The following SLC25A33 variants were observed in gnomAD, a reference collection of about 807,000 sequenced individuals.
SLC25A33 encodes the protein bone marrow stromal cell mitochondrial carrier protein.
SLC25A33 carries 15 observed loss-of-function variants against 35.5 expected under a neutral mutation model. The ratio of observed to expected loss-of-function variants is 0.42; its 90% CI spans 0.28 to 0.65. The LOEUF (loss-of-function observed/expected upper bound fraction) is 0.65. Ranked by LOEUF, SLC25A33 falls within the 30% of genes least tolerant of loss-of-function variation. The probability of loss-of-function intolerance (pLI) is 0.20; values close to 1 mark genes in which losing one functional copy is unlikely to be tolerated. For missense variants in SLC25A33, 257 were observed against 398.5 expected (o/e 0.64, Z 3.02); for synonymous variants, 136 against 148.7 (o/e 0.91, Z 0.62).
At chr1:9,550,016 T>G (rs1241858113) in intron 1 of SLC25A33, among the ~76,000 whole-genome samples, 5 of 99,314 alleles carry the variant, frequency 5.0e-5, no homozygotes, top group African/African-American at 2.1e-4. Context: ...TATATATTTT[T>G]TTTTTTTTTT....
intron 2 of SLC25A33, among the ~76,000 whole-genome samples, chr1:9,563,543 C>A (rs1643456145): frequency 6.6e-6 from 1 of 152,034 alleles, no homozygotes; most frequent in South Asian, 2.1e-4. Flanking sequence ...GCACCAAAAA[C>A]CAGCTTAATT....
Position 9,580,119 on chromosome 1 carries a change from A to G in SLC25A33, c.648A>G (p.Glu216=), listed in dbSNP as rs1643719249. 2 of 1,611,084 alleles carry G rather than the reference A, an allele frequency of 1.2e-6. No homozygotes were observed. The highest frequency in any genetic ancestry group is 2.7e-5 in the African/African-American group (2 of 74,748). Residue 216 remains glutamate, a synonymous_variant, in exon 6 of 7, where the codon GAA becomes GAG. Transcript: ENST00000302692. ...IYESLKKYLK[E]APLASSANGT... The stretch of plus-strand genomic sequence containing the variant: ...AAAGTTTAAAGAAGTATCTGAAAGA[A>G]GCTCCATTAGCCTCTTCTGCAAATG...
In SLC25A33 at chr1:9,570,389, C is replaced by G. The variant is rs557596144; in HGVS notation, c.415+31C>G. 5.9e-6 allele frequency: 9 copies of G among 1,535,160 alleles called. No individual in the cohort carries two copies. The African/African-American group carries it at 1.1e-4, about 19-fold the overall frequency. On this transcript the variant is annotated intron_variant, in intron 4 of 6. Coordinates refer to ENST00000302692, the MANE Select transcript of SLC25A33 (RefSeq NM_032315.3). ...TTACCCTAGTGAGTGAAGAGAGGGT[C>G]TCTCTCTCACTTTTCTAAAGCATGC... is the stretch of plus-strand genomic sequence containing the variant.
chr1:9,573,503 T>G, intron 5 of SLC25A33, 91 bp downstream of exon 5: 1 of 1,042,164 alleles, frequency 9.6e-7, no homozygotes, highest in Non-Finnish European at 1.5e-6. Flanking sequence ...GGATGAGATA[T>G]AGAGATGTAC....
intron 6 of SLC25A33, among the ~76,000 whole-genome samples, 162 bp downstream of exon 6, chr1:9,580,396 G>T (rs1421081374): frequency 6.6e-6 from 1 of 152,234 alleles, no homozygotes; most frequent in Non-Finnish European, 1.5e-5. Flanking sequence ...CAGAGGTCAC[G>T]TGAGTGGTGG....
At chr1:9,545,961 T>C (rs1486031334) in intron 1 of SLC25A33, among the ~76,000 whole-genome samples, 1 of 151,332 alleles carries the variant, frequency 6.6e-6, no homozygotes, top group Non-Finnish European at 1.5e-5. Flanking sequence ...AGACTCCGTC[T>C]AAAAAAACAG....
rs1035723336 is a variant in SLC25A33, at chr1:9,539,518, C to G, written c.-174C>G. The G allele has an allele frequency of 3.3e-6, 1 of 301,774 alleles. No homozygotes were observed. The allele number at this position is 301,774 out of a possible 1,614,324, so 18.7% of individuals were successfully genotyped here. On this transcript the variant is annotated 5_prime_UTR_variant, in exon 1 of 7. Transcript: ENST00000302692. ...GCCGGTGAGGCGCCGGCGGCCACGC[C>G]GCGGAAGGCGCGGGCCGAGCAGAGC...
chr1:9,568,836 ACT>A lies in SLC25A33; in HGVS notation c.315-1419_315-1418del, dbSNP rs1354437181. 2.0e-5 allele frequency among the ~76,000 whole-genome samples: 3 copies of A among 150,698 alleles called. No individual in the cohort carries two copies. In the South Asian group the frequency reaches 6.3e-4, roughly 32 times the overall value. ...ACTCCAGCCTGGGCGACAGAGCGAG[ACT>A]CTGTCTCAAAAAAAAAAAGAGAAAA... On this transcript the variant is annotated intron_variant, in intron 3 of 6. Transcript: ENST00000302692.
At chr1:9,570,390 T>G in intron 4 of SLC25A33, 32 bp downstream of exon 4, 1 of 1,536,050 alleles carries the variant, frequency 6.5e-7, no homozygotes, top group South Asian at 1.1e-5. Context: ...AGAGAGGGTC[T>G]CTCTCTCACT....
rs1643694449 is a variant in SLC25A33 at position 9,578,447 on chromosome 1, G to A, written c.483-1507G>A. On this transcript the variant is annotated intron_variant, in intron 5 of 6. Transcript: ENST00000302692. This position sits in a 1 kb window ranked among gnomAD's most constrained non-coding sequence, Gnocchi z 4.3. ...GTGGCTCACTCTTGCCTTGCAGCCAGGCAGTTCATAAATGCTTTTTGTCCT... is the reference window on the plus strand; with the variant it reads ...GTGGCTCACTCTTGCCTTGCAGCCAAGCAGTTCATAAATGCTTTTTGTCCT... 6.6e-6 allele frequency among the ~76,000 whole-genome samples: 1 copy of A among 152,204 alleles called. No homozygotes were observed. The highest frequency in any genetic ancestry group is 1.5e-5 in the Non-Finnish European group (1 of 68,036).
chr1:9,566,644 C>G (rs1165584410), intron 2 of SLC25A33, among the ~76,000 whole-genome samples: 3 of 151,730 alleles, frequency 2.0e-5, no homozygotes, highest in African/African-American at 7.3e-5. Context: ...GTGAGGAGTT[C>G]AAGACCAGCC....
At chr1:9,570,746 C>T (rs1476724806) in intron 4 of SLC25A33, among the ~76,000 whole-genome samples, 2 of 124,410 alleles carry the variant, frequency 1.6e-5, no homozygotes, top group Non-Finnish European at 3.2e-5. Context: ...CTCACTCTGT[C>T]ACCCAGGCTG....
chr1:9,570,211 A>G, intron 3 of SLC25A33, 47 bp from the exon 4 acceptor site: 1 of 1,538,138 alleles, frequency 6.5e-7, no homozygotes, highest in Non-Finnish European at 8.9e-7. Context: ...GGACGTATAA[A>G]GTTGCACTGT....
At chr1:9,574,192 ATCC>A (rs1433794268) in intron 5 of SLC25A33, among the ~76,000 whole-genome samples, 1 of 150,856 alleles carries the variant, frequency 6.6e-6, no homozygotes, top group Non-Finnish European at 1.5e-5. Context: ...GGCTCAAGCA[ATCC>A]TCCTGCCTCA....
Position 9,539,515 on chromosome 1 carries a change from C to A in SLC25A33, c.-177C>A, listed in dbSNP as rs905558215. The A allele has an allele frequency of 2.1e-5, 6 of 290,154 alleles. No individual in the cohort carries two copies. The highest frequency in any genetic ancestry group is 1.7e-4 in the Admixed American group (3 of 17,740). 18.0% of individuals were successfully genotyped at this position (290,154 alleles called of 1,614,324 possible). A position where few individuals can be genotyped will look rare whatever the true frequency, so the allele number is the denominator to read the frequency against. ...GAGGCCGGTGAGGCGCCGGCGGCCACGCCGCGGAAGGCGCGGGCCGAGCAG... is the reference window on the plus strand; with the variant it reads ...GAGGCCGGTGAGGCGCCGGCGGCCAAGCCGCGGAAGGCGCGGGCCGAGCAG... On this transcript the variant is annotated 5_prime_UTR_variant, in exon 1 of 7. Coordinates refer to ENST00000302692, the MANE Select transcript of SLC25A33 (RefSeq NM_032315.3).
intron 2 of SLC25A33, among the ~76,000 whole-genome samples, chr1:9,556,679 GTC>G (rs1265645398): frequency 6.6e-6 from 1 of 151,238 alleles, no homozygotes; most frequent in Non-Finnish European, 1.5e-5. Flanking sequence ...GTGTGTCTGT[GTC>G]TGTGTGTGTG....
At chr1:9,555,414 A>G (rs1483874680) in intron 2 of SLC25A33, among the ~76,000 whole-genome samples, 1 of 152,056 alleles carries the variant, frequency 6.6e-6, no homozygotes, top group East Asian at 1.9e-4. Flanking sequence ...CACCGCACCC[A>G]GCCACATTTA....
chr1:9,567,454 T>A, intron 3 of SLC25A33, 93 bp downstream of exon 3: 1 of 1,169,640 alleles, frequency 8.5e-7, no homozygotes, highest in Non-Finnish European at 1.2e-6. Flanking sequence ...ATGACCAGTG[T>A]CTTTTTCTAT....
chr1:9,557,746 A>G (rs1643366756), intron 2 of SLC25A33, among the ~76,000 whole-genome samples: 1 of 152,180 alleles, frequency 6.6e-6, no homozygotes, highest in African/African-American at 2.4e-5. Flanking sequence ...AAGACGTAAT[A>G]AAATGCAGGT....
Sources: gnomAD v4.1 joint callset for allele counts (sites outside exome capture counted in the v4.1 genomes callset) on GRCh38, gnomAD v4.1.1 for gene constraint, Gnocchi (gnomAD v3.1) non-coding constraint, MANE v1.5 for transcripts, NCBI Gene and HGNC (gene_info 2026-07-23, HGNC 2026-07-21) for gene names.